Variants in TPH2 observed in about 807,000 individuals in gnomAD.
The protein encoded by TPH2 is tryptophan hydroxylase 2.
TPH2 carries 27 observed loss-of-function variants against 59.1 expected under a neutral mutation model. That is an observed-to-expected ratio of 0.46 (90% CI 0.34 to 0.63). The LOEUF (loss-of-function observed/expected upper bound fraction) is 0.63, where lower values mean the gene tolerates loss of function less well. Among genes scored for constraint, TPH2 ranks in the 30% least tolerant of loss-of-function variants. TPH2 has a pLI of 0.01. For missense variants in TPH2, 523 were observed against 588.3 expected (o/e 0.89, Z 1.15); for synonymous variants, 220 against 210.5 (o/e 1.05, Z -0.39).
At chr12:72,031,115 A>G in intron 9 of TPH2, 143 bp from the exon 10 acceptor site, 4 of 1,139,948 alleles carry the variant, frequency 3.5e-6, no homozygotes, top group Admixed American at 1.8e-5. Flanking sequence ...TGCACACAGG[A>G]GAGTTCCATA....
At chr12:71,972,031 T>C (rs536591199) in intron 5 of TPH2, among the ~76,000 whole-genome samples, 1 of 152,320 alleles carries the variant, frequency 6.6e-6, no homozygotes, top group African/African-American at 2.4e-5. Context: ...TTTCAGTATC[T>C]CCCAGACATT....
intron 8 of TPH2, among the ~76,000 whole-genome samples, chr12:72,016,483 G>A (rs549042987): frequency 5.9e-5 from 9 of 152,220 alleles, no homozygotes; most frequent in African/African-American, 2.2e-4. Flanking sequence ...CTGAGGACCT[G>A]AGGGAGTATC....
At chr12:71,979,728 GGTAAGAAGCAGGA>G (rs1269187889) in intron 7 of TPH2, among the ~76,000 whole-genome samples, 1 of 152,200 alleles carries the variant, frequency 6.6e-6, no homozygotes, top group Non-Finnish European at 1.5e-5. Context: ...CTCTGACATG[GGTAAGAAGCAGGA>G]GTAAGCTGGG....
At chr12:71,980,898 T>A (rs1033897335) in intron 7 of TPH2, among the ~76,000 whole-genome samples, 2 of 152,158 alleles carry the variant, frequency 1.3e-5, no homozygotes, top group African/African-American at 4.8e-5. Context: ...GGCAGTGCAG[T>A]GGATTCAGAG....
chr12:71,974,213 T>A (rs1472822553), intron 6 of TPH2, among the ~76,000 whole-genome samples: 1 of 152,194 alleles, frequency 6.6e-6, no homozygotes, highest in Non-Finnish European at 1.5e-5. Flanking sequence ...CCTGAATTCC[T>A]ACCCACTTTA....
Position 72,031,603 on chromosome 12 carries a change from A to G in TPH2, c.1381A>G (p.Arg461Gly). 2 of 1,613,680 alleles carry G rather than the reference A, an allele frequency of 1.2e-6. No individual in the cohort carries two copies. The highest frequency in any genetic ancestry group is 1.3e-5 in the African/African-American group (1 of 75,006). The change falls in exon 11 of 11, where the codon AGA becomes GGA. Residue 461 changes from arginine to glycine, a missense_variant. Physicochemically the swap from Arg to Gly is moderately radical, Grantham distance 125. Coordinates refer to ENST00000333850, the MANE Select transcript of TPH2 (RefSeq NM_173353.4). ...TQSIEILKDT[R>G]SIENVVQDLR... ...GAGTATTGAAATTCTGAAAGACACCAGAAGTATTGAAAATGTGGTGCAGGA... is the reference window on the plus strand; with the variant it reads ...GAGTATTGAAATTCTGAAAGACACCGGAAGTATTGAAAATGTGGTGCAGGA...
chr12:71,958,903 C>T (rs1329447879), intron 5 of TPH2, among the ~76,000 whole-genome samples: 1 of 152,162 alleles, frequency 6.6e-6, no homozygotes, highest in African/African-American at 2.4e-5. Flanking sequence ...AGAGGACTAG[C>T]ATATCTGAAA....
At chr12:71,981,666 A>C (rs1404011371) in intron 7 of TPH2, among the ~76,000 whole-genome samples, 1 of 152,058 alleles carries the variant, frequency 6.6e-6, no homozygotes, top group Non-Finnish European at 1.5e-5. Context: ...GCTGAGTGGA[A>C]AGTCATTTCT....
chr12:72,016,723 G>C lies in TPH2; in HGVS notation c.1069-5676G>C, dbSNP rs1873264461. 3.3e-5 allele frequency among the ~76,000 whole-genome samples: 5 copies of C among 152,246 alleles called. No individual in the cohort carries two copies. The South Asian group carries it at 1.0e-3, about 32-fold the overall frequency. ...ATGCAAGATCAAATTTTTAGGGAAG[G>C]CGATAGGGAAAATATATCACTCAGT... On this transcript the variant is annotated intron_variant, in intron 8 of 10. Transcript: ENST00000333850.
chr12:71,975,754 A>G (rs1872100786), intron 6 of TPH2, among the ~76,000 whole-genome samples: 1 of 152,186 alleles, frequency 6.6e-6, no homozygotes, highest in African/African-American at 2.4e-5. Context: ...CATCTACTAT[A>G]TTTGTTACTG....
At chr12:71,997,132 G>A (rs1243630029) in intron 8 of TPH2, among the ~76,000 whole-genome samples, 6 of 152,154 alleles carry the variant, frequency 3.9e-5, no homozygotes, top group Non-Finnish European at 8.8e-5. Context: ...TCTTGAGGCC[G>A]TCTGCATTCC....
chr12:72,015,272 G>C (rs887392497), intron 8 of TPH2, among the ~76,000 whole-genome samples: 2 of 150,806 alleles, frequency 1.3e-5, no homozygotes, highest in Non-Finnish European at 2.9e-5. Context: ...TGAAAGGAAG[G>C]CTGTGAGCCA....
chr12:72,022,526 A>G (rs1566170738), intron 9 of TPH2, 32 bp downstream of exon 9: 2 of 1,457,228 alleles, frequency 1.4e-6, no homozygotes, highest in Non-Finnish European at 1.9e-6. Flanking sequence ...TACCCTTCCC[A>G]TGCAAACTGG....
intron 5 of TPH2, among the ~76,000 whole-genome samples, chr12:71,966,997 C>T (rs11179015): frequency 0.051 from 7,778 of 152,100 alleles, 340 homozygotes; most frequent in South Asian, 0.13. Flanking sequence ...GCTGTTGGAC[C>T]GCTGGAGGAG....
intron 9 of TPH2, among the ~76,000 whole-genome samples, chr12:72,029,642 G>T (rs565662068): frequency 5.9e-5 from 9 of 152,122 alleles, no homozygotes; most frequent in Non-Finnish European, 1.2e-4. Context: ...CAAGTGTAGT[G>T]ACCTTCTGCT....
intron 8 of TPH2, among the ~76,000 whole-genome samples, chr12:72,009,860 C>T (rs1408165414): frequency 6.6e-6 from 1 of 152,180 alleles, no homozygotes; most frequent in Admixed American, 6.5e-5. Flanking sequence ...TGTTCAGTCA[C>T]TCTGGGGACA....
intron 5 of TPH2, among the ~76,000 whole-genome samples, chr12:71,969,199 C>T (rs1479897933): frequency 2.0e-5 from 3 of 152,144 alleles, no homozygotes; most frequent in African/African-American, 7.2e-5. Context: ...AGGAGAATGG[C>T]GTGAACCCGG....
At chr12:71,992,641 G>A (rs1191259562) in intron 7 of TPH2, among the ~76,000 whole-genome samples, 2 of 151,926 alleles carry the variant, frequency 1.3e-5, no homozygotes, top group Non-Finnish European at 2.9e-5. Flanking sequence ...AAGTGTGGTA[G>A]CCTAGGAAAA....
intron 5 of TPH2, among the ~76,000 whole-genome samples, chr12:71,955,591 C>T (rs1386490): frequency 0.83 from 127,088 of 152,204 alleles, 53,195 homozygotes; most frequent in East Asian, 0.94. Flanking sequence ...ATCTTCTGTA[C>T]CTCAGTTTCC....
Sources: allele counts gnomAD v4.1 joint callset (sites outside exome capture counted in the v4.1 genomes callset), GRCh38; gene constraint gnomAD v4.1.1; transcripts MANE v1.5; gene names NCBI Gene and HGNC (gene_info 2026-07-23, HGNC 2026-07-21).